Variants in SORCS1 observed in about 807,000 individuals in gnomAD.
SORCS1 encodes VPS10 domain-containing receptor SorCS1.
A neutral mutation model predicts 146.1 loss-of-function variants in SORCS1; 60 were observed. That is an observed-to-expected ratio of 0.41 (90% CI 0.33 to 0.51). The LOEUF is 0.51. Ranked by LOEUF, SORCS1 falls within the 20% of genes least tolerant of loss-of-function variation. The pLI is 0.21. For missense variants in SORCS1, 1,352 were observed against 1,487.6 expected, an observed-to-expected ratio of 0.91 and a Z score of 1.50; for synonymous variants, 637 against 584.0, an observed-to-expected ratio of 1.09 and a Z score of -1.31.
intron 1 of SORCS1, among the ~76,000 whole-genome samples, chr10:107,053,243 T>C (rs993166163): frequency 5.3e-5 from 8 of 152,172 alleles, no homozygotes; most frequent in African/African-American, 1.2e-4. Context: ...TCTCCAAATA[T>C]GTAACCCCTA....
At chr10:106,912,523 G>C (rs1052956667) in intron 2 of SORCS1, among the ~76,000 whole-genome samples, 1 of 151,992 alleles carries the variant, frequency 6.6e-6, no homozygotes, top group Non-Finnish European at 1.5e-5. Context: ...CAAAATTTTC[G>C]GACCACCACT....
chr10:106,601,542 C>A (rs1846240165), intron 23 of SORCS1, among the ~76,000 whole-genome samples: 3 of 152,152 alleles, frequency 2.0e-5, no homozygotes, highest in Admixed American at 2.0e-4. Context: ...TTGGGAGGGA[C>A]CTGTGACAGG....
At chr10:107,099,085 T>C (rs963745557) in intron 1 of SORCS1, among the ~76,000 whole-genome samples, 2 of 152,182 alleles carry the variant, frequency 1.3e-5, no homozygotes, top group African/African-American at 4.8e-5. Context: ...TGAAGACATA[T>C]ATAGTGTTAA....
At chr10:107,107,570 C>A (rs879633723) in intron 1 of SORCS1, among the ~76,000 whole-genome samples, 11 of 152,164 alleles carry the variant, frequency 7.2e-5, no homozygotes, top group Admixed American at 7.2e-4. Context: ...GTAACATCAG[C>A]AAAATAGTGG....
rs750139135 is a variant in SORCS1, at chr10:106,706,578, G to C, written c.1200C>G (p.Ala400=). ...AAGCATATTTCGGAAGCTTCATTTG[G>C]GCAAATGCATTCCTTCGGTAGGACA... The part of the protein sequence containing the change: ...YYVSYRRNAF[A]QMKLPKYALP... The change falls in exon 8 of 26, where the codon GCC becomes GCG. Residue 400 remains alanine (A), a synonymous_variant. Transcript: ENST00000263054. 5.0e-6 allele frequency: 8 copies of C among 1,614,024 alleles called. No homozygotes were observed. The East Asian group carries it at 1.1e-4, about 22-fold the overall frequency.
intron 2 of SORCS1, among the ~76,000 whole-genome samples, chr10:106,878,620 G>GTATATATATATATATATATATATATATA (rs3982430): frequency 7.4e-4 from 63 of 84,906 alleles, no homozygotes; most frequent in South Asian, 1.7e-3. Context: ...AAACTACCTA[G>GTATATATATATATATATATATATATATA]TATATATATA....
At chr10:106,644,211 C>T (rs1229393980) in intron 18 of SORCS1, among the ~76,000 whole-genome samples, 2 of 152,064 alleles carry the variant, frequency 1.3e-5, no homozygotes, top group Non-Finnish European at 2.9e-5. Context: ...GTACAAATCA[C>T]TAAATATACA....
At chr10:106,873,473 T>A (rs1211178913) in intron 2 of SORCS1, among the ~76,000 whole-genome samples, 1 of 152,100 alleles carries the variant, frequency 6.6e-6, no homozygotes, top group African/African-American at 2.4e-5. Context: ...TTCACAAAAC[T>A]TCAGAAAACA....
At chr10:106,667,575 A>T in intron 17 of SORCS1, 114 bp downstream of exon 17, 2 of 687,604 alleles carry the variant, frequency 2.9e-6, no homozygotes, top group Non-Finnish European at 5.1e-6. Flanking sequence ...AAGCAATTAC[A>T]TTGTGCTGTA....
chr10:107,126,058 T>C (rs1307840098), intron 1 of SORCS1, among the ~76,000 whole-genome samples: 1 of 152,220 alleles, frequency 6.6e-6, no homozygotes, highest in African/African-American at 2.4e-5. Flanking sequence ...GGTCAATTTA[T>C]CTCTGCTTGA....
intron 2 of SORCS1, among the ~76,000 whole-genome samples, chr10:106,882,153 T>A (rs1950824937): frequency 6.6e-6 from 1 of 152,214 alleles, no homozygotes. Context: ...CTGAGCATAC[T>A]ATTGGGAATA....
chr10:106,728,684 G>A (rs955000610), intron 6 of SORCS1, among the ~76,000 whole-genome samples: 1 of 152,244 alleles, frequency 6.6e-6, no homozygotes, highest in Non-Finnish European at 1.5e-5. Context: ...TTGTTTGGCT[G>A]TAAGCTGGTA....
intron 1 of SORCS1, among the ~76,000 whole-genome samples, chr10:107,045,564 A>G (rs1310780457): frequency 2.0e-5 from 3 of 152,140 alleles, no homozygotes; most frequent in African/African-American, 7.2e-5. Flanking sequence ...CTCATCACCA[A>G]TTCTCCACAG....
intron 1 of SORCS1, among the ~76,000 whole-genome samples, chr10:107,084,390 G>A (rs775693703): frequency 2.6e-4 from 40 of 151,478 alleles, no homozygotes; most frequent in African/African-American, 8.0e-4. Flanking sequence ...GGCATGAGCC[G>A]CCACACCTGG....
At position 106,891,732 on chromosome 10, in the gene SORCS1, A is replaced by G. The variant is rs576056946; in HGVS notation, c.627-62059T>C. 2.0e-5 allele frequency among the ~76,000 whole-genome samples: 3 copies of G among 152,220 alleles called. No homozygotes were observed. In the South Asian group the frequency reaches 6.2e-4, roughly 32 times the overall value. On this transcript the variant is annotated intron_variant, in intron 2 of 25. Coordinates refer to ENST00000263054, the MANE Select transcript of SORCS1 (RefSeq NM_052918.5). ...TTACACAGAATAAAGATTAAAAAAG[A>G]CCAAAAGGAATCAGCATCAAAGAAG...
intron 1 of SORCS1, among the ~76,000 whole-genome samples, chr10:107,024,987 G>C (rs1486905882): frequency 6.6e-6 from 1 of 152,200 alleles, no homozygotes; most frequent in East Asian, 1.9e-4. Context: ...CTAAGGGTTA[G>C]TATTATCAGT....
chr10:106,668,819 C>G (rs184874171), intron 16 of SORCS1, among the ~76,000 whole-genome samples: 1 of 152,116 alleles, frequency 6.6e-6, no homozygotes, highest in East Asian at 1.9e-4. Flanking sequence ...AGTTACTTTA[C>G]GAATGCTGGA....
intron 10 of SORCS1, among the ~76,000 whole-genome samples, chr10:106,687,814 A>G (rs1055654801): frequency 6.6e-6 from 1 of 152,170 alleles, no homozygotes; most frequent in South Asian, 2.1e-4. Context: ...CAGTTCATCA[A>G]CTCTACAGCT....
intron 5 of SORCS1, among the ~76,000 whole-genome samples, chr10:106,747,468 T>C (rs1312870136): frequency 6.6e-6 from 1 of 152,188 alleles, no homozygotes; most frequent in African/African-American, 2.4e-5. Flanking sequence ...GATGCATAAA[T>C]ACATCAGGGC....
Sources: allele counts gnomAD v4.1 joint callset (sites outside exome capture counted in the v4.1 genomes callset), GRCh38; gene constraint gnomAD v4.1.1; transcripts MANE v1.5; gene names NCBI Gene and HGNC (gene_info 2026-07-23, HGNC 2026-07-21).